Variants in AGMO observed in about 807,000 individuals in gnomAD.
AGMO encodes glyceryl-ether monooxygenase.
Under a neutral mutation model 60.2 loss-of-function variants are expected in AGMO, and 75 were observed. The ratio of observed to expected loss-of-function variants is 1.25; its 90% CI spans 1.03 to 1.51. The LOEUF is 1.51. AGMO is among the 40% of genes most tolerant of loss of function. The pLI is 0.00. For missense variants in AGMO, 763 were observed against 525.5 expected, an observed-to-expected ratio of 1.45 and a Z score of -4.42; for synonymous variants, 261 against 177.1, an observed-to-expected ratio of 1.47 and a Z score of -3.76.
intron 12 of AGMO, among the ~76,000 whole-genome samples, chr7:15,206,354 T>C (rs2115470998): frequency 6.6e-6 from 1 of 152,196 alleles, no homozygotes; most frequent in Admixed American, 6.5e-5. Flanking sequence ...TACAAACATA[T>C]TTATTCATAT....
intron 12 of AGMO, among the ~76,000 whole-genome samples, chr7:15,233,874 C>T (rs1427371975): frequency 6.6e-6 from 1 of 152,064 alleles, no homozygotes; most frequent in Non-Finnish European, 1.5e-5. Context: ...TGGTGAAACC[C>T]TGTCTCTACT....
chr7:15,304,047 A>G (rs999504465), intron 12 of AGMO, among the ~76,000 whole-genome samples: 1 of 152,114 alleles, frequency 6.6e-6, no homozygotes, highest in Non-Finnish European at 1.5e-5. Flanking sequence ...TGTTAGTTCA[A>G]TTTTCAGTCC....
At chr7:15,375,744 C>T (rs935269677) in intron 10 of AGMO, among the ~76,000 whole-genome samples, 1 of 152,034 alleles carries the variant, frequency 6.6e-6, no homozygotes, top group African/African-American at 2.4e-5. Context: ...CAAAGAACTG[C>T]GCATTTAGAC....
chr7:15,385,036 C>T (rs1192239879), intron 10 of AGMO, among the ~76,000 whole-genome samples: 2 of 152,014 alleles, frequency 1.3e-5, no homozygotes, highest in South Asian at 2.1e-4. Flanking sequence ...AGGAATTAAA[C>T]TCTACACTGA....
intron 12 of AGMO, among the ~76,000 whole-genome samples, chr7:15,360,591 G>C (rs964384633): frequency 9.2e-5 from 14 of 152,154 alleles, no homozygotes; most frequent in Non-Finnish European, 1.8e-4. Context: ...AGGAGGAGGA[G>C]GAAGAGGTGG....
intron 12 of AGMO, among the ~76,000 whole-genome samples, chr7:15,326,524 T>C (rs1781344059): frequency 6.6e-6 from 1 of 152,206 alleles, no homozygotes; most frequent in Non-Finnish European, 1.5e-5. Context: ...TCAAGGATGC[T>C]TACTAATGCT....
intron 3 of AGMO, among the ~76,000 whole-genome samples, chr7:15,438,627 G>A (rs1781463426): frequency 6.6e-6 from 1 of 151,934 alleles, no homozygotes; most frequent in Admixed American, 6.6e-5. Context: ...CCTTCTTCAC[G>A]GTCTCGCTGT....
At chr7:15,289,534 A>G (rs1484021338) in intron 12 of AGMO, among the ~76,000 whole-genome samples, 1 of 151,384 alleles carries the variant, frequency 6.6e-6, no homozygotes, top group African/African-American at 2.5e-5. Flanking sequence ...AGTATATATT[A>G]TCTCCAAAAA....
chr7:15,462,940 G>C lies in AGMO; in HGVS notation c.410-31832C>G, dbSNP rs537325112. The stretch of plus-strand genomic sequence containing the variant: ...AATCAGCAGGTATAAGCTACACAAC[G>C]TCAGGTTGTTTGGATTCCCCAGGAA... On this transcript the variant is annotated intron_variant, in intron 3 of 12. Transcript: ENST00000342526. Among the ~76,000 whole-genome samples, 446 of 152,212 alleles carry C rather than the reference G, an allele frequency of 2.9e-3. 4 individuals carry two copies. The highest frequency in any genetic ancestry group is 0.014 in the Middle Eastern group (4 of 294).
rs1781718282 is a variant in AGMO at position 15,338,016 on chromosome 7, A to G, written c.1263+27498T>C. Among the ~76,000 whole-genome samples, 6 of 152,182 alleles carry G rather than the reference A, an allele frequency of 3.9e-5. No individual in the cohort carries two copies. In the South Asian group the frequency reaches 1.2e-3, roughly 31 times the overall value. On this transcript the variant is annotated intron_variant, in intron 12 of 12. Coordinates refer to ENST00000342526, the MANE Select transcript of AGMO (RefSeq NM_001004320.2). ...CAGCTCCAGGGAAGATGTGACCAAA[A>G]CTTTATCTCAGGTGGAAAGGAATGT...
intron 10 of AGMO, among the ~76,000 whole-genome samples, chr7:15,384,594 A>T (rs954602869): frequency 6.6e-6 from 1 of 152,126 alleles, no homozygotes; most frequent in Non-Finnish European, 1.5e-5. Flanking sequence ...CAGAGTTACC[A>T]TGTAACTTTC....
intron 12 of AGMO, among the ~76,000 whole-genome samples, chr7:15,304,496 GA>G (rs1256261018): frequency 6.6e-6 from 1 of 152,048 alleles, no homozygotes; most frequent in Non-Finnish European, 1.5e-5. Flanking sequence ...AAATGGTGGT[GA>G]TTTAGGGTTT....
chr7:15,478,472 T>C (rs1782656057), intron 3 of AGMO, among the ~76,000 whole-genome samples: 1 of 152,132 alleles, frequency 6.6e-6, no homozygotes, highest in Admixed American at 6.6e-5. Flanking sequence ...GACTGTAAAG[T>C]GATCGCTGAA....
At chr7:15,467,449 G>C (rs781469750) in intron 3 of AGMO, among the ~76,000 whole-genome samples, 1 of 152,096 alleles carries the variant, frequency 6.6e-6, no homozygotes, top group Non-Finnish European at 1.5e-5. Context: ...TTTTGATATG[G>C]GTGTTCCCTA....
intron 12 of AGMO, among the ~76,000 whole-genome samples, chr7:15,249,406 A>G (rs1173312749): frequency 6.6e-6 from 1 of 152,226 alleles, no homozygotes; most frequent in African/African-American, 2.4e-5. Flanking sequence ...AAAATCTCCC[A>G]AAGATTAAAA....
intron 4 of AGMO, among the ~76,000 whole-genome samples, chr7:15,423,046 T>C (rs1299381125): frequency 6.6e-6 from 1 of 152,170 alleles, no homozygotes; most frequent in Non-Finnish European, 1.5e-5. Context: ...AAAATTACTT[T>C]TAAATAAATG....
chr7:15,376,977 C>T (rs567747603), intron 10 of AGMO, among the ~76,000 whole-genome samples: 13 of 152,178 alleles, frequency 8.5e-5, no homozygotes, highest in African/African-American at 3.1e-4. Flanking sequence ...AACTTGCATA[C>T]ATAAAACAAG....
At chr7:15,432,790 T>C (rs530090498) in intron 3 of AGMO, among the ~76,000 whole-genome samples, 3 of 152,122 alleles carry the variant, frequency 2.0e-5, no homozygotes, top group Admixed American at 1.3e-4. Flanking sequence ...TCTAAAAATA[T>C]GCAGTCATAA....
At chr7:15,212,644 T>C (rs956298056) in intron 12 of AGMO, among the ~76,000 whole-genome samples, 2 of 152,020 alleles carry the variant, frequency 1.3e-5, no homozygotes, top group African/African-American at 2.4e-5. Context: ...CACAGCTATC[T>C]TAACAAGGTT....
Sources: gnomAD v4.1 joint callset for allele counts (sites outside exome capture counted in the v4.1 genomes callset) on GRCh38, gnomAD v4.1.1 for gene constraint, MANE v1.5 for transcripts, NCBI Gene and HGNC (gene_info 2026-07-23, HGNC 2026-07-21) for gene names.